The following ANO2 variants were observed in gnomAD, a reference collection of about 807,000 sequenced individuals.
ANO2 encodes anoctamin 2.
ANO2 carries 101 observed loss-of-function variants against 124.2 expected under a neutral mutation model. That is an observed-to-expected ratio of 0.81 (90% CI 0.69 to 0.96). The LOEUF (loss-of-function observed/expected upper bound fraction) is 0.96, where lower values mean the gene tolerates loss of function less well. Ranked by LOEUF, ANO2 falls within the 40% of genes least tolerant of loss-of-function variation. ANO2 has a pLI of 0.00. For synonymous variants in ANO2, 486 were observed against 482.5 expected (o/e 1.01, Z -0.09); for missense variants, 1,293 against 1,274.5 (o/e 1.01, Z -0.22).
chr12:5,888,157 C>T (rs75624338), intron 3 of ANO2, among the ~76,000 whole-genome samples: 5 of 152,006 alleles, frequency 3.3e-5, no homozygotes, highest in African/African-American at 1.2e-4. Context: ...TTTGTGGTCT[C>T]GCTGGATCAG....
chr12:5,851,523 A>G (rs146067442), intron 4 of ANO2, among the ~76,000 whole-genome samples: 5 of 152,078 alleles, frequency 3.3e-5, no homozygotes, highest in African/African-American at 1.2e-4. Context: ...TGTCTCTACT[A>G]AAAATACAAA....
chr12:5,747,259 C>G (rs1951295026), intron 11 of ANO2, among the ~76,000 whole-genome samples: 1 of 152,132 alleles, frequency 6.6e-6, no homozygotes, highest in African/African-American at 2.4e-5. Flanking sequence ...AATTAGCAAC[C>G]TCTAAAATAA....
At chr12:5,716,083 T>C (rs1318415162) in intron 14 of ANO2, among the ~76,000 whole-genome samples, 2 of 152,250 alleles carry the variant, frequency 1.3e-5, no homozygotes, top group East Asian at 3.8e-4. Flanking sequence ...GTTATAGTGG[T>C]CTGCCTAGGA....
intron 19 of ANO2, among the ~76,000 whole-genome samples, chr12:5,605,597 G>A (rs544219823): frequency 1.9e-4 from 29 of 152,294 alleles, no homozygotes; most frequent in Non-Finnish European, 1.5e-5. Context: ...CATATGAGAA[G>A]AGCCCATTTC....
intron 3 of ANO2, among the ~76,000 whole-genome samples, chr12:5,893,370 G>A (rs1196274470): frequency 6.6e-6 from 1 of 151,874 alleles, no homozygotes; most frequent in Non-Finnish European, 1.5e-5. Context: ...CCAGAATCTA[G>A]AAGGAACTCA....
Position 5,635,486 on chromosome 12 carries a change from T to C in ANO2, c.1621-139A>G, listed in dbSNP as rs1345924899. On this transcript the variant is annotated intron_variant, in intron 15 of 24. Coordinates refer to ENST00000682330, the MANE Select transcript of ANO2 (RefSeq NM_001364791.2). The surrounding 1 kb of genome is among the most constrained non-coding windows in gnomAD (Gnocchi z 5.2). ...TTGTTGGGTAACAAGGGATTCCAGA[T>C]ATTATTAGTCTGGAATATTTGGGTG... 1 of 775,024 alleles carries C rather than the reference T, an allele frequency of 1.3e-6. No individual in the cohort carries two copies. Among genetic ancestry groups the C allele is most frequent in the Non-Finnish European group, 1.9e-6 (1 of 535,884 alleles). The allele number at this position is 775,024 out of a possible 1,614,324, so 48.0% of individuals were successfully genotyped here.
chr12:5,585,312 G>T (rs1317924758), intron 20 of ANO2, among the ~76,000 whole-genome samples: 1 of 152,160 alleles, frequency 6.6e-6, no homozygotes, highest in Non-Finnish European at 1.5e-5. Flanking sequence ...TCACCTGGGG[G>T]TTTACACAAT....
intron 20 of ANO2, among the ~76,000 whole-genome samples, chr12:5,590,111 T>C (rs974619691): frequency 6.6e-6 from 1 of 152,080 alleles, no homozygotes; most frequent in African/African-American, 2.4e-5. Context: ...AGATACCCTA[T>C]TGCAAGCTTG....
At chr12:5,706,287 G>T (rs1049658150) in intron 14 of ANO2, among the ~76,000 whole-genome samples, 2 of 152,014 alleles carry the variant, frequency 1.3e-5, no homozygotes, top group African/African-American at 4.8e-5. Context: ...AAGTTCTGAC[G>T]GAGGCTGATG....
chr12:5,669,247 T>C (rs1288688642), intron 14 of ANO2, among the ~76,000 whole-genome samples: 1 of 152,034 alleles, frequency 6.6e-6, no homozygotes, highest in African/African-American at 2.4e-5. Context: ...CTTGAAGAGG[T>C]CCTTCACTTC....
At chr12:5,842,724 G>A (rs1954554587) in intron 4 of ANO2, among the ~76,000 whole-genome samples, 1 of 152,134 alleles carries the variant, frequency 6.6e-6, no homozygotes, top group Admixed American at 6.6e-5. Context: ...TAACGTCACT[G>A]TTTCTGGGCC....
At chr12:5,711,113 G>A (rs1464629942) in intron 14 of ANO2, among the ~76,000 whole-genome samples, 3 of 150,928 alleles carry the variant, frequency 2.0e-5, no homozygotes, top group Non-Finnish European at 2.9e-5. Flanking sequence ...AGCAGAGATC[G>A]CGCCACTGTA....
chr12:5,930,936 C>A (rs1379822393), intron 1 of ANO2, among the ~76,000 whole-genome samples: 2 of 152,076 alleles, frequency 1.3e-5, no homozygotes, highest in African/African-American at 4.8e-5. Context: ...CAGAATTAGC[C>A]CTCTCTCTCC....
chr12:5,877,140 G>T (rs1216679782), intron 3 of ANO2, among the ~76,000 whole-genome samples: 1 of 152,152 alleles, frequency 6.6e-6, no homozygotes, highest in African/African-American at 2.4e-5. Flanking sequence ...TTTGCAGATA[G>T]AATTTGTTTA....
chr12:5,735,107 C>T (rs544861901), intron 13 of ANO2, among the ~76,000 whole-genome samples: 1 of 152,228 alleles, frequency 6.6e-6, no homozygotes, highest in East Asian at 1.9e-4. Context: ...TTATGGAATC[C>T]CTCAAATTGG....
chr12:5,671,218 G>C (rs1947985288), intron 14 of ANO2, among the ~76,000 whole-genome samples: 1 of 151,868 alleles, frequency 6.6e-6, no homozygotes. Context: ...GAAATATGGG[G>C]GTTCCTCAAA....
intron 5 of ANO2, among the ~76,000 whole-genome samples, chr12:5,830,882 G>T (rs1443308772): frequency 6.6e-6 from 1 of 152,114 alleles, no homozygotes; most frequent in African/African-American, 2.4e-5. Flanking sequence ...ATGATGATAA[G>T]GTTCCAAATG....
At chr12:5,643,839 GT>G (rs1357916498) in intron 15 of ANO2, among the ~76,000 whole-genome samples, 1 of 152,032 alleles carries the variant, frequency 6.6e-6, no homozygotes, top group Non-Finnish European at 1.5e-5. Flanking sequence ...TCCCTCTTTT[GT>G]GAAGTACATA....
At chr12:5,854,889 T>C (rs912001052) in intron 3 of ANO2, among the ~76,000 whole-genome samples, 3 of 151,888 alleles carry the variant, frequency 2.0e-5, no homozygotes, top group African/African-American at 7.3e-5. Context: ...TACAAATAGG[T>C]GTCAGATTAT....
Sources: allele counts gnomAD v4.1 joint callset (sites outside exome capture counted in the v4.1 genomes callset), GRCh38; gene constraint gnomAD v4.1.1; non-coding constraint Gnocchi (gnomAD v3.1); transcripts MANE v1.5; gene names NCBI Gene and HGNC (gene_info 2026-07-23, HGNC 2026-07-21).